The following CDC42BPB variants were observed in gnomAD, a reference collection of about 807,000 sequenced individuals.
CDC42BPB encodes the protein serine/threonine-protein kinase MRCK beta.
CDC42BPB carries 37 observed loss-of-function variants against 214.9 expected under a neutral mutation model. The ratio of observed to expected loss-of-function variants is 0.17; its 90% confidence interval spans 0.13 to 0.23. The LOEUF (loss-of-function observed/expected upper bound fraction) is 0.23. Ranked by LOEUF, CDC42BPB falls within the 10% of genes least tolerant of loss-of-function variation. CDC42BPB has a pLI of 1.00. For synonymous variants in CDC42BPB, 931 were observed against 884.0 expected (o/e 1.05, Z -0.94); for missense variants, 1,694 against 2,227.0 (o/e 0.76, Z 4.82).
chr14:102,986,279 A>T, intron 6 of CDC42BPB: 1 of 501,598 alleles, frequency 2.0e-6, no homozygotes, highest in Non-Finnish European at 3.6e-6. Flanking sequence ...ACTTTTGTAA[A>T]CATAAAAAGC....
intron 1 of CDC42BPB, among the ~76,000 whole-genome samples, chr14:103,046,855 T>C (rs1264529387): frequency 6.6e-6 from 1 of 151,888 alleles, no homozygotes; most frequent in Non-Finnish European, 1.5e-5. Flanking sequence ...GGTTTTGCCA[T>C]GTTGGCCAGG....
chr14:103,035,949 C>T (rs1284705598), intron 1 of CDC42BPB, among the ~76,000 whole-genome samples: 8 of 151,868 alleles, frequency 5.3e-5, no homozygotes, highest in South Asian at 2.1e-4. Flanking sequence ...CTCAGGAGTT[C>T]GAAACCAACC....
chr14:102,960,493 G>A (rs966737470), intron 20 of CDC42BPB, among the ~76,000 whole-genome samples: 3 of 152,186 alleles, frequency 2.0e-5, no homozygotes, highest in African/African-American at 7.2e-5. Context: ...ATGGTGGCAT[G>A]TGCCTGTGGT....
chr14:103,040,192 T>C (rs1887906358), intron 1 of CDC42BPB, among the ~76,000 whole-genome samples: 1 of 151,998 alleles, frequency 6.6e-6, no homozygotes, highest in Non-Finnish European at 1.5e-5. Context: ...CTGTCTGTAC[T>C]AAAAATACAA....
chr14:103,022,963 T>C (rs182790535), intron 1 of CDC42BPB, among the ~76,000 whole-genome samples: 1 of 151,988 alleles, frequency 6.6e-6, no homozygotes, highest in East Asian at 1.9e-4. Flanking sequence ...TTACACACCA[T>C]GAAAAAAGCA....
chr14:102,976,257 A>G (rs1243585453), intron 9 of CDC42BPB: 1 of 968,522 alleles, frequency 1.0e-6, no homozygotes, highest in Non-Finnish European at 1.2e-6. Context: ...ATCGCTGGTC[A>G]AAGAAAGCGC....
chr14:103,030,403 T>C (rs1189105451), intron 1 of CDC42BPB, among the ~76,000 whole-genome samples: 1 of 152,226 alleles, frequency 6.6e-6, no homozygotes, highest in East Asian at 1.9e-4. Context: ...AACAATTAAA[T>C]GTGTTCAGGT....
At chr14:102,987,561 T>A (rs1894299488) in intron 5 of CDC42BPB, among the ~76,000 whole-genome samples, 1 of 151,902 alleles carries the variant, frequency 6.6e-6, no homozygotes, top group African/African-American at 2.4e-5. Flanking sequence ...CACACCCCAA[T>A]GAAAACAGAC....
rs1891722930 is a variant in CDC42BPB at position 102,938,163 on chromosome 14, G to C, written c.4945C>G (p.Pro1649Ala). Residue 1649 changes from proline (P) to alanine (A), a missense_variant, in exon 36 of 37, where the codon CCT (proline) becomes GCT (alanine). By Grantham distance (27) the Pro-to-Ala change is conservative. This residue lies in a region of CDC42BPB where 146 missense variants were observed against 134.1 expected (regional missense o/e 1.09). Transcript: ENST00000361246. ...CTTCTCAGAGGCACAGTCACGCTAG[G>C]CTCCGATCCACCTACAGAACAAGGA... is the stretch of plus-strand genomic sequence containing the variant. ...ISWPSSGGSEPSVTVPLRSMS... is the reference protein window; with the variant it reads ...ISWPSSGGSEASVTVPLRSMS... 6.2e-7 allele frequency: 1 copy of C among 1,613,682 alleles called. No homozygotes were observed. Among genetic ancestry groups the C allele is most frequent in the Non-Finnish European group, 8.5e-7 (1 of 1,179,920 alleles).
chr14:103,021,163 A>G lies in CDC42BPB; in HGVS notation c.176-8975T>C, dbSNP rs142545261. The stretch of plus-strand genomic sequence containing the variant: ...TAGAGGATTAAAAAGGGAGCCCTTT[A>G]AGAACACGTGGATGTGGCCGCGTGC... On this transcript the variant is annotated intron_variant, in intron 1 of 36. Coordinates refer to ENST00000361246, the MANE Select transcript of CDC42BPB (RefSeq NM_006035.4). Among the ~76,000 whole-genome samples, 644 of 152,368 alleles carry G rather than the reference A, an allele frequency of 4.2e-3. 6 individuals are homozygous for G. Among genetic ancestry groups the G allele is most frequent in the African/African-American group, 0.015 (629 of 41,592 alleles).
At chr14:102,966,648 T>A in intron 17 of CDC42BPB, 1 of 304,148 alleles carries the variant, frequency 3.3e-6, no homozygotes, top group Non-Finnish European at 4.8e-6. Flanking sequence ...TATATATACC[T>A]ACTACGCACC....
chr14:102,996,055 T>C (rs1894715815), intron 5 of CDC42BPB, among the ~76,000 whole-genome samples: 2 of 152,170 alleles, frequency 1.3e-5, no homozygotes, highest in Admixed American at 1.3e-4. Flanking sequence ...ACACAGCCAA[T>C]TAAGAGAATG....
rs1230774293 is a variant in CDC42BPB, at chr14:102,933,457, G to C, written c.*255C>G. On this transcript the variant is annotated 3_prime_UTR_variant, in exon 37 of 37. Coordinates refer to ENST00000361246, the MANE Select transcript of CDC42BPB (RefSeq NM_006035.4). ...CTCGGGTTGTCAGGGGTGGGAGACAGGCTGTATGGGGGTCCTTCATGTGCA... is the reference window on the plus strand; with the variant it reads ...CTCGGGTTGTCAGGGGTGGGAGACACGCTGTATGGGGGTCCTTCATGTGCA... 5.5e-6 allele frequency: 2 copies of C among 361,926 alleles called. No individual in the cohort carries two copies. The highest frequency in any genetic ancestry group is 9.8e-6 in the Non-Finnish European group (2 of 203,444). 22.4% of individuals were successfully genotyped at this position (361,926 alleles called of 1,614,324 possible).
chr14:102,979,347 G>C (rs1188081973), intron 8 of CDC42BPB, among the ~76,000 whole-genome samples: 1 of 151,904 alleles, frequency 6.6e-6, no homozygotes. Flanking sequence ...CAAGTAGCTG[G>C]ATTACAGGCA....
chr14:102,968,959 C>T (rs1893348373), intron 14 of CDC42BPB: 3 of 887,874 alleles, frequency 3.4e-6, no homozygotes, highest in African/African-American at 3.6e-5. Context: ...CTCTGCCCCA[C>T]ACCCTGTTCA....
At chr14:103,029,124 T>C (rs1042637877) in intron 1 of CDC42BPB, among the ~76,000 whole-genome samples, 4 of 152,214 alleles carry the variant, frequency 2.6e-5, no homozygotes, top group Non-Finnish European at 5.9e-5. Flanking sequence ...TTATCCAAAA[T>C]TCCTTCAATC....
intron 1 of CDC42BPB, among the ~76,000 whole-genome samples, chr14:103,033,882 A>T (rs1052270468): frequency 6.6e-6 from 1 of 152,342 alleles, no homozygotes; most frequent in East Asian, 1.9e-4. Context: ...GCGGCAGGAA[A>T]ATCAGCCCCA....
At chr14:102,935,822 T>C (rs1891627062) in intron 36 of CDC42BPB, among the ~76,000 whole-genome samples, 1 of 135,368 alleles carries the variant, frequency 7.4e-6, no homozygotes, top group African/African-American at 2.8e-5. Context: ...CGACAACCCA[T>C]AGAACAAGAG....
intron 20 of CDC42BPB, among the ~76,000 whole-genome samples, chr14:102,961,291 A>G (rs1444984248): frequency 6.6e-6 from 1 of 152,222 alleles, no homozygotes; most frequent in East Asian, 1.9e-4. Flanking sequence ...TCAAAAAAGG[A>G]AGAAGACTGA....
Sources: gnomAD v4.1 joint callset for allele counts (sites outside exome capture counted in the v4.1 genomes callset) on GRCh38, gnomAD v4.1.1 for gene constraint, gnomAD v4.1.1 regional missense constraint, MANE v1.5 for transcripts, NCBI Gene and HGNC (gene_info 2026-07-23, HGNC 2026-07-21) for gene names.